The following MICAL2 variants were observed in gnomAD, a reference collection of about 807,000 sequenced individuals.
The protein encoded by MICAL2 is [F-actin]-monooxygenase MICAL2.
MICAL2 carries 77 observed loss-of-function variants against 127.3 expected under a neutral mutation model. That is an observed-to-expected ratio of 0.60 (90% CI 0.50 to 0.73). The LOEUF (loss-of-function observed/expected upper bound fraction) is 0.73, where lower values mean the gene tolerates loss of function less well. MICAL2 is among the 30% of genes least tolerant of loss of function. The pLI, the probability that MICAL2 is intolerant of heterozygous loss-of-function variation, is 0.00. For missense variants in MICAL2, 1,351 were observed against 1,434.4 expected (o/e 0.94, Z 0.94); for synonymous variants, 570 against 551.1 (o/e 1.03, Z -0.48).
At chr11:12,126,892 G>A (rs1196078352) in intron 1 of MICAL2, among the ~76,000 whole-genome samples, 3 of 152,076 alleles carry the variant, frequency 2.0e-5, no homozygotes, top group Admixed American at 1.3e-4. Flanking sequence ...AGCAGAGGTG[G>A]CGGCAGCAGC....
chr11:12,289,857 C>T (rs995402017), downstream of MICAL2, among the ~76,000 whole-genome samples: 1 of 152,196 alleles, frequency 6.6e-6, no homozygotes, highest in Admixed American at 6.5e-5. Flanking sequence ...GTGTGAGGCA[C>T]CATGCCTGGC....
At chr11:12,135,800 C>T (rs1345647384) in intron 1 of MICAL2, among the ~76,000 whole-genome samples, 1 of 152,108 alleles carries the variant, frequency 6.6e-6, no homozygotes. Context: ...AGTCTTTGTC[C>T]ACAGTCTGGG....
At chr11:12,123,293 C>T (rs942979711) in intron 1 of MICAL2, among the ~76,000 whole-genome samples, 5 of 152,124 alleles carry the variant, frequency 3.3e-5, no homozygotes, top group African/African-American at 9.7e-5. Context: ...CAGAATCTAA[C>T]TCTTCTGAAT....
intron 21 of MICAL2, among the ~76,000 whole-genome samples, chr11:12,244,960 G>T (rs1374462100): frequency 6.6e-6 from 1 of 152,234 alleles, no homozygotes; most frequent in Admixed American, 6.5e-5. Flanking sequence ...CAGCCTGGAG[G>T]ATGAGAAGAG....
chr11:12,130,236 G>A (rs181244684), intron 1 of MICAL2, among the ~76,000 whole-genome samples: 1 of 152,322 alleles, frequency 6.6e-6, no homozygotes, highest in Admixed American at 6.5e-5. Context: ...CATTTGCAGT[G>A]CCTGAGTATG....
At chr11:12,289,027 G>T (rs990605246), downstream of MICAL2, among the ~76,000 whole-genome samples, 1 of 152,236 alleles carries the variant, frequency 6.6e-6, no homozygotes, top group Non-Finnish European at 1.5e-5. Flanking sequence ...GCTGGTTCTG[G>T]CCCCAAGCCC....
At chr11:12,351,266 G>T (rs1939040329) in intron 33 of MICAL2, among the ~76,000 whole-genome samples, 1 of 152,100 alleles carries the variant, frequency 6.6e-6, no homozygotes, top group Non-Finnish European at 1.5e-5. Context: ...ATCACAAAAG[G>T]TAGTAGACTC....
At chr11:12,194,980 G>GGCCA (rs1426306480) in intron 3 of MICAL2, among the ~76,000 whole-genome samples, 2 of 152,112 alleles carry the variant, frequency 1.3e-5, no homozygotes, top group African/African-American at 2.4e-5. Flanking sequence ...CTTAAACCTG[G>GGCCA]GCCAGACACA....
chr11:12,341,693 G>A (rs1938868573), intron 32 of MICAL2, among the ~76,000 whole-genome samples: 1 of 152,128 alleles, frequency 6.6e-6, no homozygotes, highest in Non-Finnish European at 1.5e-5. Context: ...CGAGCATGGT[G>A]GCGCATGCCT....
At chr11:12,238,330 C>T (rs2706635) in intron 16 of MICAL2, among the ~76,000 whole-genome samples, 151,034 of 152,346 alleles carry the variant, frequency 0.99, 74,877 homozygotes, top group Middle Eastern at 1. Flanking sequence ...TTCAATTTTT[C>T]ACTGTTAGCA....
At chr11:12,120,642 G>A (rs1450632976) in intron 1 of MICAL2, among the ~76,000 whole-genome samples, 1 of 152,214 alleles carries the variant, frequency 6.6e-6, no homozygotes, top group Non-Finnish European at 1.5e-5. Flanking sequence ...GATTTCCATA[G>A]GCAGAGATGG....
At chr11:12,197,189 T>A (rs755004927) in intron 3 of MICAL2, among the ~76,000 whole-genome samples, 1 of 152,224 alleles carries the variant, frequency 6.6e-6, no homozygotes, top group Non-Finnish European at 1.5e-5. Flanking sequence ...ATAACACTTA[T>A]GGAAACCTGG....
At position 12,154,791 on chromosome 11, in the gene MICAL2, C is replaced by T. The variant is rs1402354755; in HGVS notation, c.-77-7288C>T. Among the ~76,000 whole-genome samples the T allele has an allele frequency of 2.0e-5, 3 of 152,128 alleles. No homozygotes were observed. In the East Asian group the frequency reaches 5.8e-4, roughly 29 times the overall value. ...ATTTGATACTTGTAGACTCTCCAAGCCCAGAATAACTTGAGAGACAATAGA... is the reference window on the plus strand; with the variant it reads ...ATTTGATACTTGTAGACTCTCCAAGTCCAGAATAACTTGAGAGACAATAGA... On this transcript the variant is annotated intron_variant, in intron 2 of 27. Transcript: ENST00000683283.
intron 1 of MICAL2, among the ~76,000 whole-genome samples, chr11:12,126,638 T>C (rs148774299): frequency 2.3e-4 from 34 of 150,322 alleles, no homozygotes; most frequent in African/African-American, 7.8e-4. Context: ...GATGACAAGA[T>C]GCATAAGGCT....
upstream of MICAL2, chr11:12,274,218 T>A (rs1863701528): frequency 6.6e-6 from 1 of 152,150 alleles, no homozygotes; most frequent in Non-Finnish European, 1.5e-5. Flanking sequence ...AAATGACACC[T>A]GTTCTCTGGA....
chr11:12,287,091 T>C (rs2134774690), exon 3 of MICAL2: 1 of 398,938 alleles, frequency 2.5e-6, no homozygotes, highest in African/African-American at 2.1e-5. Flanking sequence ...CCACAGCAGC[T>C]CTGCAACGGG....
intron 29 of MICAL2, among the ~76,000 whole-genome samples, chr11:12,309,708 C>A (rs1864150257): frequency 6.6e-6 from 1 of 152,138 alleles, no homozygotes; most frequent in African/African-American, 2.4e-5. Flanking sequence ...CCTGCTAGAT[C>A]ATATGGTAAT....
At position 12,213,322 on chromosome 11, in the gene MICAL2, C is replaced by G. The variant is rs1455192867; in HGVS notation, c.759C>G (p.Asn253Lys). Residue 253 changes from asparagine to lysine, a missense_variant, in exon 7 of 28, where the codon AAC becomes AAG. By Grantham distance (94) the Asn-to-Lys change is moderately conservative. Coordinates refer to ENST00000683283, the MANE Select transcript of MICAL2 (RefSeq NM_001282663.2). ...TCACCGCCAACTTCATAAACAGAAA[C>G]AGCACAGCGGAAGCCAAGGTGGAAG... is the stretch of plus-strand genomic sequence containing the variant. ...IAITANFINRNSTAEAKVEEI... is the reference protein window; with the variant it reads ...IAITANFINRKSTAEAKVEEI... The G allele has an allele frequency of 1.9e-6, 3 of 1,613,916 alleles. No homozygotes were observed. Among genetic ancestry groups the G allele is most frequent in the Non-Finnish European group, 2.5e-6 (3 of 1,179,798 alleles).
At chr11:12,307,247 T>C (rs1602973) in intron 29 of MICAL2, among the ~76,000 whole-genome samples, 87,869 of 151,920 alleles carry the variant, frequency 0.58, 26,660 homozygotes, top group Non-Finnish European at 0.68. Context: ...TATTTTTTGG[T>C]AAAGTAGCTT....
Sources: allele counts gnomAD v4.1 joint callset (sites outside exome capture counted in the v4.1 genomes callset), GRCh38; gene constraint gnomAD v4.1.1; transcripts MANE v1.5; gene names NCBI Gene and HGNC (gene_info 2026-07-23, HGNC 2026-07-21).